The following TMEM276 variants were observed in gnomAD, a reference collection of about 807,000 sequenced individuals.
TMEM276 encodes the protein transmembrane protein 276.
chr8:144,466,798 G>T, the TMEM276 span: 2 of 1,536,150 alleles, frequency 1.3e-6, no homozygotes, highest in Non-Finnish European at 1.7e-6. Context: ...GCCCAGACCT[G>T]CCCGCGCCAG....
chr8:144,466,772 C>G, the TMEM276 span: 8 of 1,532,380 alleles, frequency 5.2e-6, no homozygotes, highest in Non-Finnish European at 7.0e-6. Flanking sequence ...AGCCCGCAAG[C>G]CCCGGGGTCG....
chr8:144,466,388 C>G, the TMEM276 span: 2 of 996,928 alleles, frequency 2.0e-6, no homozygotes, highest in Non-Finnish European at 2.6e-6. Flanking sequence ...CGGGGCGGCG[C>G]GAAGCGGGGC....
At chr8:144,465,260 T>G in the TMEM276 span, 1 of 1,123,148 alleles carries the variant, frequency 8.9e-7, no homozygotes, top group Admixed American at 3.7e-5. Flanking sequence ...GGCCTCGGCC[T>G]GCTCCCTGCG....
chr8:144,463,889 A>G, the TMEM276 span: 1 of 1,398,752 alleles, frequency 7.1e-7, no homozygotes, highest in South Asian at 1.7e-5. Context: ...AACCGTGTCC[A>G]GCCCAGAATC....
the TMEM276 span, chr8:144,466,925 C>A: frequency 1.4e-5 from 22 of 1,576,150 alleles, 1 homozygote; most frequent in Non-Finnish European, 1.8e-5. Context: ...GCACGTGACC[C>A]GAAATGTCTC....
the TMEM276 span, chr8:144,464,528 C>T: frequency 6.2e-7 from 1 of 1,612,360 alleles, no homozygotes; most frequent in East Asian, 2.2e-5. Context: ...GCAAGGCAGT[C>T]TTCGTGTGTG....
chr8:144,466,425 C>A, the TMEM276 span: 1 of 1,334,590 alleles, frequency 7.5e-7, no homozygotes. Context: ...CTCCCATGTA[C>A]GCCTTTTACT....
the TMEM276 span, chr8:144,465,038 T>C: frequency 5.9e-6 from 9 of 1,534,864 alleles, no homozygotes; most frequent in Non-Finnish European, 7.8e-6. Flanking sequence ...TCCCCATTAC[T>C]GGATGTTAGG....
the TMEM276 span, chr8:144,466,705 G>A: frequency 1.4e-6 from 2 of 1,383,788 alleles, no homozygotes. Flanking sequence ...GCGGAGGGAA[G>A]GGGCCAGCAG....
the TMEM276 span, chr8:144,466,926 G>T: frequency 3.2e-6 from 5 of 1,576,680 alleles, no homozygotes; most frequent in Non-Finnish European, 4.3e-6. Flanking sequence ...CACGTGACCC[G>T]AAATGTCTCC....
At chr8:144,466,504 G>A in the TMEM276 span, 2 of 1,298,612 alleles carry the variant, frequency 1.5e-6, no homozygotes, top group African/African-American at 3.1e-5. Flanking sequence ...CGCGGAGCCC[G>A]GGGACCCCGC....
chr8:144,464,176 C>T, the TMEM276 span: 3 of 1,612,928 alleles, frequency 1.9e-6, no homozygotes, highest in African/African-American at 1.3e-5. Context: ...GTAAGCCCAG[C>T]TGCCTACAGC....
chr8:144,466,448 A>T, the TMEM276 span: 1 of 1,362,818 alleles, frequency 7.3e-7, no homozygotes, highest in Non-Finnish European at 9.6e-7. Flanking sequence ...TTGCTCATCT[A>T]CATCTTCTAC....
chr8:144,464,275 G>A, the TMEM276 span: 3 of 1,606,866 alleles, frequency 1.9e-6, no homozygotes, highest in African/African-American at 2.7e-5. Flanking sequence ...ACCCAGCATC[G>A]CCCCCCCCCA....
the TMEM276 span, chr8:144,464,634 A>T: frequency 6.3e-7 from 1 of 1,589,402 alleles, no homozygotes; most frequent in Non-Finnish European, 8.6e-7. Context: ...GGGAAGGGAG[A>T]ACACGTGGGA....
the TMEM276 span, chr8:144,466,373 G>A: frequency 4.9e-6 from 4 of 824,418 alleles, no homozygotes; most frequent in Non-Finnish European, 6.3e-6. Context: ...CTGGGCGCGG[G>A]GACGCGGGGC....
At chr8:144,466,563 C>T in the TMEM276 span, 1 of 1,041,628 alleles carries the variant, frequency 9.6e-7, no homozygotes, top group Non-Finnish European at 1.2e-6. Context: ...CGCCGCCTGC[C>T]CCACCCCCAC....
chr8:144,463,872 G>A, the TMEM276 span: 1 of 1,374,940 alleles, frequency 7.3e-7, no homozygotes, highest in Non-Finnish European at 9.4e-7. Context: ...CTCTTCTCTG[G>A]ATCCACAACC....
chr8:144,464,714 G>A, the TMEM276 span: 3 of 1,566,782 alleles, frequency 1.9e-6, no homozygotes, highest in African/African-American at 1.4e-5. Context: ...GGTCTTAGAC[G>A]CACTTCCCAC....
Sources: gnomAD v4.1 joint callset for allele counts on GRCh38, gnomAD v4.1.1 for gene constraint, MANE v1.5 for transcripts, NCBI Gene and HGNC (gene_info 2026-07-23, HGNC 2026-07-21) for gene names.